Variants in DENND6B observed in about 807,000 individuals in gnomAD.
DENND6B encodes protein DENND6B.
DENND6B carries 73 observed loss-of-function variants against 85.1 expected under a neutral mutation model. The observed-to-expected ratio is 0.86, with a 90% CI of 0.71 to 1.04. The LOEUF (loss-of-function observed/expected upper bound fraction) is 1.04. Among genes scored for constraint, DENND6B ranks in the 50% least tolerant of loss-of-function variants. DENND6B has a pLI of 0.00. For missense variants in DENND6B, 715 were observed against 785.8 expected (o/e 0.91, Z 1.08); for synonymous variants, 357 against 329.3 (o/e 1.08, Z -0.91).
At chr22:50,315,842 C>T in intron 8 of DENND6B, 73 bp from the exon 9 acceptor site, 2 of 1,473,248 alleles carry the variant, frequency 1.4e-6, no homozygotes, top group Non-Finnish European at 1.8e-6. Flanking sequence ...GCCCCTGCCT[C>T]ACAGCACAGG....
Position 50,314,588 on chromosome 22 carries a change from G to A in DENND6B, c.977+17C>T, listed in dbSNP as rs766251988. The stretch of plus-strand genomic sequence containing the variant: ...GGGCGGAGCAAGGGCAAGAGGCGGG[G>A]CAGAGGCGGCACTTACGGGGCCTGC... On this transcript the variant is annotated intron_variant, in intron 11 of 19. Transcript: ENST00000413817. The A allele has an allele frequency of 9.6e-6, 15 of 1,557,270 alleles. No homozygotes were observed. Among genetic ancestry groups the A allele is most frequent in the Admixed American group, 1.9e-5 (1 of 51,384 alleles).
intron 3 of DENND6B, among the ~76,000 whole-genome samples, chr22:50,318,566 G>A (rs2041932206): frequency 6.6e-6 from 1 of 152,208 alleles, no homozygotes; most frequent in Non-Finnish European, 1.5e-5. Flanking sequence ...AGGAGCGGGA[G>A]GGAGGCCCAG....
chr22:50,324,215 C>A lies in DENND6B; in HGVS notation c.177+2597G>T, dbSNP rs554363851. ...TCTCTCAAGCAGGCTGCACTGCACT[C>A]ATTTCCATGATGCTCCCATGCGTAC... On this transcript the variant is annotated intron_variant, in intron 1 of 19. Transcript: ENST00000413817. 7.9e-5 allele frequency among the ~76,000 whole-genome samples: 12 copies of A among 152,304 alleles called. No homozygotes were observed. In the South Asian group the frequency reaches 1.7e-3, roughly 21 times the overall value.
chr22:50,316,098 G>A lies in DENND6B; in HGVS notation c.640-11C>T. 3 of 1,612,714 alleles carry A rather than the reference G, an allele frequency of 1.9e-6. No homozygotes were observed. Among genetic ancestry groups the A allele is most frequent in the Non-Finnish European group, 2.5e-6 (3 of 1,179,866 alleles). ...GGATGGGATGCGCACCTGGGAGAAG[G>A]AGGGAGCAGCTGCCAGAGGGAGTAG... is the stretch of plus-strand genomic sequence containing the variant. On this transcript the variant is annotated splice_polypyrimidine_tract_variant and intron_variant, in intron 7 of 19. Coordinates refer to ENST00000413817, the MANE Select transcript of DENND6B (RefSeq NM_001001794.4).
intron 17 of DENND6B, 30 bp from the exon 18 acceptor site, chr22:50,312,655 G>A (rs1489175258): frequency 1.3e-6 from 2 of 1,533,648 alleles, no homozygotes; most frequent in East Asian, 4.9e-5. Flanking sequence ...GGGGGCCATG[G>A]GGCTGACCCT....
At chr22:50,314,059 AC>A (rs2041694141) in intron 13 of DENND6B, 147 bp downstream of exon 13, 4 of 1,274,374 alleles carry the variant, frequency 3.1e-6, no homozygotes, top group Non-Finnish European at 4.2e-6. Context: ...GAAGAGAGCG[AC>A]CCCTCCCCAA....
chr22:50,313,645 A>G lies in DENND6B; in HGVS notation c.1283T>C (p.Ile428Thr). The change falls in exon 15 of 20, where the codon ATC (isoleucine) becomes ACC (threonine). Residue 428 changes from isoleucine to threonine, a missense_variant. Transcript: ENST00000413817. ...RHLLELTQSF[I>T]IPLEHYMASL... ...AGCCCCGGGCCTCACCAGGGGGATG[A>G]TGAAGCTCTGGGTGAGCTCCAGGAG... The G allele has an allele frequency of 6.4e-7, 1 of 1,571,682 alleles. No homozygotes were observed. Among genetic ancestry groups the G allele is most frequent in the South Asian group, 1.1e-5 (1 of 87,148 alleles).
rs1269206774 is a variant in DENND6B at position 50,316,421 on chromosome 22, T to C, written c.508A>G (p.Ser170Gly). The C allele has an allele frequency of 6.3e-6, 10 of 1,589,044 alleles. No individual in the cohort carries two copies. Among genetic ancestry groups the C allele is most frequent in the Non-Finnish European group, 8.6e-6 (10 of 1,169,350 alleles). ...TCAAAGTACTCGGGGGCGATGAGGC[T>C]TAGCAGCGCTTGGAACAGCCGGACA... ...PFVRLFQALL[S>G]LIAPEYFDKL... The change falls in exon 6 of 20, where the codon AGC (serine) becomes GGC (glycine). Residue 170 changes from serine to glycine, a missense_variant. Ser to Gly is a moderately conservative substitution (Grantham distance 56). Transcript: ENST00000413817.
Position 50,310,949 on chromosome 22 carries a change from G to GAA in DENND6B, c.*1188_*1189dup. 6.6e-6 allele frequency: 1 copy of GAA among 150,666 alleles called. No homozygotes were observed. The highest frequency in any genetic ancestry group is 2.1e-4 in the South Asian group (1 of 4,766). 9.3% of individuals were successfully genotyped at this position (150,666 alleles called of 1,614,324 possible). On this transcript the variant is annotated 3_prime_UTR_variant, in exon 20 of 20. Coordinates refer to ENST00000413817, the MANE Select transcript of DENND6B (RefSeq NM_001001794.4). ...ACAGAGCGAGACTCCATTTCAAAAA[G>GAA]AAAAAAAAAGAAAAAGTCCCTCCCC...
intron 5 of DENND6B, 181 bp from the exon 6 acceptor site, chr22:50,316,656 G>A (rs2041829796): frequency 6.6e-7 from 1 of 1,517,410 alleles, no homozygotes; most frequent in Non-Finnish European, 8.8e-7. Flanking sequence ...TATTAGACAG[G>A]AGAAAACCCA....
chr22:50,314,942 C>T (rs772692744), intron 9 of DENND6B, 21 bp from the exon 10 acceptor site: 21 of 1,605,908 alleles, frequency 1.3e-5, no homozygotes, highest in Admixed American at 3.3e-5. Context: ...GCAGGAAGGT[C>T]GGGGAGGTCA....
intron 1 of DENND6B, among the ~76,000 whole-genome samples, chr22:50,324,236 C>T (rs1011651777): frequency 3.9e-5 from 6 of 152,186 alleles, no homozygotes; most frequent in Admixed American, 1.3e-4. Context: ...TGCTCCCATG[C>T]GTACAGTTGC....
chr22:50,318,065 C>T (rs1242497439), intron 3 of DENND6B, 45 bp from the exon 4 acceptor site: 1 of 1,591,468 alleles, frequency 6.3e-7, no homozygotes. Flanking sequence ...CCGGGAGCCT[C>T]TTCTGCAGGC....
At chr22:50,319,236 C>A (rs2041963338) in intron 1 of DENND6B, 1 of 1,458,358 alleles carries the variant, frequency 6.9e-7, no homozygotes, top group Non-Finnish European at 9.1e-7. Flanking sequence ...CCCACACCAC[C>A]TTCTCTGGCT....
chr22:50,312,271 C>T lies in DENND6B; in HGVS notation c.1636-10G>A, dbSNP rs750054686. ...GGCCCTGAGCCCGCACCTGGAGGGGCAGCCATGGTCAGGGCAGGCGCAGCT... is the reference window on the plus strand; with the variant it reads ...GGCCCTGAGCCCGCACCTGGAGGGGTAGCCATGGTCAGGGCAGGCGCAGCT... On this transcript the variant is annotated splice_polypyrimidine_tract_variant and intron_variant, in intron 19 of 19. Coordinates refer to ENST00000413817, the MANE Select transcript of DENND6B (RefSeq NM_001001794.4). 6.2e-6 allele frequency: 10 copies of T among 1,611,794 alleles called. No homozygotes were observed. In the South Asian group the frequency reaches 7.7e-5, roughly 12 times the overall value.
chr22:50,316,868 G>C lies in DENND6B; in HGVS notation c.454-393C>G, dbSNP rs548071456. ...ATCAGTGAGGGGCAGCAGTGTCCTG[G>C]ACCAGGACAGAAGGGCCTTGGGTCC... On this transcript the variant is annotated intron_variant, in intron 5 of 19. Transcript: ENST00000413817. 2.7e-5 allele frequency: 15 copies of C among 549,566 alleles called. No homozygotes were observed. The South Asian group carries it at 3.0e-4, about 11-fold the overall frequency. 34.0% of individuals were successfully genotyped at this position (549,566 alleles called of 1,614,324 possible).
At chr22:50,323,721 C>CTTTTTT in intron 1 of DENND6B, among the ~76,000 whole-genome samples, 1 of 104,588 alleles carries the variant, frequency 9.6e-6, no homozygotes, top group Admixed American at 1.1e-4. Context: ...CACGCCTAGC[C>CTTTTTT]TTTTTTTTTT....
intron 1 of DENND6B, among the ~76,000 whole-genome samples, chr22:50,325,356 G>C (rs1233291293): frequency 4.8e-5 from 2 of 41,308 alleles, no homozygotes; most frequent in Non-Finnish European, 9.9e-5. Context: ...TTTTTTTTTT[G>C]AGATGGAGTC....
rs200291783 is a variant in DENND6B, at chr22:50,314,861, C to G, written c.819G>C (p.Glu273Asp). 4 of 1,611,938 alleles carry G rather than the reference C, an allele frequency of 2.5e-6. 1 individual carries two copies. In the Admixed American group the frequency reaches 6.7e-5, roughly 27 times the overall value. ...GCGAGGGTGCCAGGACTAGCAGGGGCTCCCCGAGGAGCATGAGCTCCCACA... is the reference window on the plus strand; with the variant it reads ...GCGAGGGTGCCAGGACTAGCAGGGGGTCCCCGAGGAGCATGAGCTCCCACA... ...QTLWELMLLGEPLLVLAPSPD... is the reference protein window; with the variant it reads ...QTLWELMLLGDPLLVLAPSPD... The change falls in exon 10 of 20, where the codon GAG becomes GAC. Residue 273 changes from glutamate (E) to aspartate (D), a missense_variant. Physicochemically the swap from Glu to Asp is conservative, Grantham distance 45 (BLOSUM62 2). Transcript: ENST00000413817.
Sources: allele counts gnomAD v4.1 joint callset (sites outside exome capture counted in the v4.1 genomes callset), GRCh38; gene constraint gnomAD v4.1.1; transcripts MANE v1.5; gene names NCBI Gene and HGNC (gene_info 2026-07-23, HGNC 2026-07-21).